ST6GALNAC3: variants seen among roughly 807,000 people sequenced by gnomAD.
The protein encoded by ST6GALNAC3 is ST6 N-acetylgalactosaminide alpha-2,6-sialyltransferase 3, also known as alpha-N-acetylgalactosaminide alpha-2,6-sialyltransferase 3.
ST6GALNAC3 carries 25 observed loss-of-function variants against 32.7 expected under a neutral mutation model. That is an observed-to-expected ratio of 0.76 (90% CI 0.56 to 1.07). The LOEUF (loss-of-function observed/expected upper bound fraction) is 1.07, where lower values mean the gene tolerates loss of function less well. Among genes scored for constraint, ST6GALNAC3 ranks in the 50% least tolerant of loss-of-function variants. The probability of loss-of-function intolerance (pLI) is 0.00; values close to 1 mark genes in which losing one functional copy is unlikely to be tolerated. For missense variants in ST6GALNAC3, 355 were observed against 382.4 expected (o/e 0.93, Z 0.60); for synonymous variants, 129 against 133.1 (o/e 0.97, Z 0.21).
chr1:76,607,666 T>C (rs1647649557), intron 3 of ST6GALNAC3, among the ~76,000 whole-genome samples: 1 of 152,194 alleles, frequency 6.6e-6, no homozygotes, highest in African/African-American at 2.4e-5. Context: ...AGATCAAATG[T>C]TTATTTCTTA....
At chr1:76,209,095 G>C (rs960141032) in intron 1 of ST6GALNAC3, among the ~76,000 whole-genome samples, 10 of 152,010 alleles carry the variant, frequency 6.6e-5, no homozygotes, top group African/African-American at 2.4e-4. Context: ...TTGGTCCTGC[G>C]TATTTTCAAA....
intron 1 of ST6GALNAC3, among the ~76,000 whole-genome samples, chr1:76,205,955 A>G (rs1388347812): frequency 6.6e-6 from 1 of 152,162 alleles, no homozygotes; most frequent in African/African-American, 2.4e-5. Flanking sequence ...ATATCCTCCC[A>G]ATTTGGTTCT....
intron 1 of ST6GALNAC3, among the ~76,000 whole-genome samples, chr1:76,265,146 GA>G (rs541789704): frequency 1.1e-4 from 17 of 152,166 alleles, no homozygotes; most frequent in African/African-American, 2.9e-4. Context: ...ATCTTGAAGA[GA>G]AAAAAAGTCA....
intron 2 of ST6GALNAC3, among the ~76,000 whole-genome samples, chr1:76,329,211 C>T (rs1336535655): frequency 6.6e-6 from 1 of 152,168 alleles, no homozygotes; most frequent in African/African-American, 2.4e-5. Context: ...TGACATTTCT[C>T]AGCTAGTAGG....
chr1:76,616,664 A>G (rs1462793719), intron 3 of ST6GALNAC3, among the ~76,000 whole-genome samples: 1 of 152,190 alleles, frequency 6.6e-6, no homozygotes, highest in Non-Finnish European at 1.5e-5. Context: ...CTAAAATTCT[A>G]AATGCCTGCA....
intron 1 of ST6GALNAC3, among the ~76,000 whole-genome samples, chr1:76,210,778 G>T (rs375996324): frequency 6.6e-6 from 1 of 151,970 alleles, no homozygotes; most frequent in Non-Finnish European, 1.5e-5. Flanking sequence ...ATAGGGTCTC[G>T]CTCTGTTGCC....
At chr1:76,192,490 G>A (rs2706180) in intron 1 of ST6GALNAC3, among the ~76,000 whole-genome samples, 112,043 of 152,052 alleles carry the variant, frequency 0.74, 42,417 homozygotes, top group East Asian at 0.95. Context: ...AGAGAGGCAC[G>A]CTTCAATATT....
intron 2 of ST6GALNAC3, among the ~76,000 whole-genome samples, chr1:76,386,514 G>A (rs1652105742): frequency 6.6e-6 from 1 of 152,156 alleles, no homozygotes; most frequent in South Asian, 2.1e-4. Flanking sequence ...CTTTTCAAAT[G>A]TGCTCCTTCC....
At chr1:76,595,673 A>G (rs1647124265) in intron 3 of ST6GALNAC3, among the ~76,000 whole-genome samples, 1 of 103,438 alleles carries the variant, frequency 9.7e-6, no homozygotes, top group Non-Finnish European at 2.1e-5. Context: ...ATAACTATCA[A>G]TAACATCATA....
chr1:76,551,828 C>A (rs1664652827), intron 3 of ST6GALNAC3, among the ~76,000 whole-genome samples: 1 of 152,152 alleles, frequency 6.6e-6, no homozygotes, highest in African/African-American at 2.4e-5. Flanking sequence ...CATACCCCTC[C>A]CAACCCCCAC....
At chr1:76,328,642 C>G (rs10493590) in intron 2 of ST6GALNAC3, among the ~76,000 whole-genome samples, 27,734 of 152,096 alleles carry the variant, frequency 0.18, 3,411 homozygotes, top group African/African-American at 0.35. Context: ...CTTTTGGACA[C>G]TATGTATTCA....
intron 1 of ST6GALNAC3, among the ~76,000 whole-genome samples, chr1:76,170,771 T>C (rs1280875262): frequency 6.6e-6 from 1 of 152,198 alleles, no homozygotes; most frequent in Non-Finnish European, 1.5e-5. Context: ...CATTTCCTTT[T>C]ATTGATCCGA....
intron 1 of ST6GALNAC3, among the ~76,000 whole-genome samples, chr1:76,186,561 C>T (rs1216316876): frequency 2.0e-5 from 3 of 152,050 alleles, no homozygotes; most frequent in African/African-American, 7.2e-5. Context: ...AGTAGACAGC[C>T]GAGATAAGGA....
chr1:76,449,979 A>G (rs1657273350), intron 3 of ST6GALNAC3, among the ~76,000 whole-genome samples: 1 of 152,128 alleles, frequency 6.6e-6, no homozygotes, highest in South Asian at 2.1e-4. Flanking sequence ...TTATTGATTG[A>G]TGGGCATTTG....
At chr1:76,286,401 A>C (rs1659780329) in intron 1 of ST6GALNAC3, among the ~76,000 whole-genome samples, 1 of 152,214 alleles carries the variant, frequency 6.6e-6, no homozygotes. Flanking sequence ...CTGCAGAGTG[A>C]ACAAACCAGT....
At chr1:76,545,218 A>G (rs1344213596) in intron 3 of ST6GALNAC3, among the ~76,000 whole-genome samples, 1 of 152,226 alleles carries the variant, frequency 6.6e-6, no homozygotes, top group Non-Finnish European at 1.5e-5. Context: ...ACAAAGTAGC[A>G]CAGATCCTAC....
At chr1:76,187,503 C>CAGAT (rs1253090802) in intron 1 of ST6GALNAC3, among the ~76,000 whole-genome samples, 2 of 152,096 alleles carry the variant, frequency 1.3e-5, no homozygotes, top group African/African-American at 4.8e-5. Flanking sequence ...AAAATATCTC[C>CAGAT]AGATATTGTA....
intron 2 of ST6GALNAC3, among the ~76,000 whole-genome samples, chr1:76,363,330 C>G (rs1570970328): frequency 6.6e-6 from 1 of 152,166 alleles, no homozygotes; most frequent in South Asian, 2.1e-4. Context: ...CAGCCAGGTT[C>G]TTTGCTAAGG....
chr1:76,131,570 T>G (rs1180294906), intron 1 of ST6GALNAC3, among the ~76,000 whole-genome samples: 1 of 152,162 alleles, frequency 6.6e-6, no homozygotes, highest in East Asian at 1.9e-4. Flanking sequence ...TCGCCAGCAC[T>G]CAGGGGCCAA....
Sources: gnomAD v4.1 joint callset for allele counts (sites outside exome capture counted in the v4.1 genomes callset) on GRCh38, gnomAD v4.1.1 for gene constraint, MANE v1.5 for transcripts, NCBI Gene and HGNC (gene_info 2026-07-23, HGNC 2026-07-21) for gene names.